SAMD13: variants seen among roughly 807,000 people sequenced by gnomAD.
The protein encoded by SAMD13 is sterile alpha motif domain containing 13, also known as sterile alpha motif domain-containing protein 13.
Under a neutral mutation model 12.4 loss-of-function variants are expected in SAMD13, and 9 were observed. The ratio of observed to expected loss-of-function variants is 0.72; its 90% CI spans 0.44 to 1.26. The LOEUF (loss-of-function observed/expected upper bound fraction) is 1.26. Ranked by LOEUF, SAMD13 falls within the 50% of genes most tolerant of loss-of-function variation. The pLI is 0.00. For missense variants in SAMD13, 84 were observed against 119.6 expected (o/e 0.70, Z 1.39); for synonymous variants, 46 against 45.4 (o/e 1.01, Z -0.05).
intron 2 of SAMD13, among the ~76,000 whole-genome samples, chr1:84,306,653 A>C (rs1011720049): frequency 1.4e-5 from 2 of 143,286 alleles, no homozygotes; most frequent in African/African-American, 5.3e-5. Context: ...CCAAAAAAAA[A>C]AAAAAAAAAA....
At chr1:84,331,475 T>C in intron 3 of SAMD13, among the ~76,000 whole-genome samples, 1 of 152,118 alleles carries the variant, frequency 6.6e-6, no homozygotes, top group East Asian at 1.9e-4. Flanking sequence ...ATTTACTTCA[T>C]CAGCATCTAA....
chr1:84,339,691 G>T (rs1446370951), intron 3 of SAMD13, among the ~76,000 whole-genome samples: 1 of 152,180 alleles, frequency 6.6e-6, no homozygotes, highest in African/African-American at 2.4e-5. Flanking sequence ...GCATGTCAGG[G>T]TGCACACACA....
intron 2 of SAMD13, among the ~76,000 whole-genome samples, chr1:84,309,636 T>C (rs1017889246): frequency 3.3e-5 from 5 of 152,128 alleles, no homozygotes; most frequent in African/African-American, 1.2e-4. Context: ...TTGAACACAT[T>C]CTGAAATGGA....
At chr1:84,344,664 C>A in intron 3 of SAMD13, 1 of 301,746 alleles carries the variant, frequency 3.3e-6, no homozygotes, top group Non-Finnish European at 6.6e-6. Flanking sequence ...TGGGGAAAGG[C>A]TGTTTAAAGA....
Position 84,343,559 on chromosome 1 carries a change from A to T in SAMD13, c.166-6072A>T, listed in dbSNP as rs567115434. Among the ~76,000 whole-genome samples the T allele has an allele frequency of 2.6e-5, 4 of 152,358 alleles. No individual in the cohort carries two copies. The South Asian group carries it at 8.3e-4, about 32-fold the overall frequency. On this transcript the variant is annotated intron_variant, in intron 3 of 3. Transcript: ENST00000394834. ...ATGAGACCATGTCATTTGCAGGGAC[A>T]TGGATGGAGCTGGAAGCCATTATCC...
intron 3 of SAMD13, among the ~76,000 whole-genome samples, chr1:84,335,480 G>C (rs567594055): frequency 6.6e-6 from 1 of 152,098 alleles, no homozygotes; most frequent in African/African-American, 2.4e-5. Context: ...ATACAGTTGG[G>C]TCTTGCTTCT....
chr1:84,328,084 C>T (rs1381062892), intron 3 of SAMD13, among the ~76,000 whole-genome samples: 2 of 152,098 alleles, frequency 1.3e-5, no homozygotes, highest in Non-Finnish European at 2.9e-5. Context: ...GACCAAAAGC[C>T]CTTTGCAGGT....
chr1:84,325,796 G>A (rs1422585886), intron 3 of SAMD13, 48 bp downstream of exon 3: 2 of 1,138,490 alleles, frequency 1.8e-6, no homozygotes, highest in African/African-American at 1.5e-5. Flanking sequence ...TGAACCCACA[G>A]TTACCTCCCT....
At chr1:84,323,655 T>C (rs1678995923) in intron 2 of SAMD13, among the ~76,000 whole-genome samples, 1 of 152,194 alleles carries the variant, frequency 6.6e-6, no homozygotes. Context: ...GGGCAAAACA[T>C]TATGCTGGGG....
intron 2 of SAMD13, among the ~76,000 whole-genome samples, chr1:84,320,739 ATAAG>A (rs1678925573): frequency 6.6e-6 from 1 of 152,256 alleles, no homozygotes; most frequent in African/African-American, 2.4e-5. Context: ...CAGTGTAAAA[ATAAG>A]TAACAGAATT....
intron 2 of SAMD13, among the ~76,000 whole-genome samples, chr1:84,311,524 C>T (rs979662608): frequency 7.9e-5 from 12 of 152,172 alleles, no homozygotes; most frequent in African/African-American, 2.9e-4. Flanking sequence ...TTTCTTTTAA[C>T]AGTTCCATTA....
intron 2 of SAMD13, among the ~76,000 whole-genome samples, chr1:84,307,922 C>G (rs183659689): frequency 1.3e-5 from 2 of 152,252 alleles, no homozygotes; most frequent in Non-Finnish European, 2.9e-5. Flanking sequence ...AAGGTTTGTT[C>G]CCCTGCCTCA....
chr1:84,313,345 C>A (rs569139435), intron 2 of SAMD13, among the ~76,000 whole-genome samples: 1 of 151,934 alleles, frequency 6.6e-6, no homozygotes. Context: ...AACTTTGGTA[C>A]GTGACACACT....
upstream of SAMD13, chr1:84,299,546 T>C: frequency 1.4e-6 from 2 of 1,404,802 alleles, no homozygotes; most frequent in East Asian, 2.6e-5. Flanking sequence ...GTACACCACA[T>C]AGTGCACACA....
chr1:84,325,590 C>T, intron 2 of SAMD13, 47 bp from the exon 3 acceptor site: 1 of 1,182,694 alleles, frequency 8.5e-7, no homozygotes, highest in Non-Finnish European at 1.3e-6. Context: ...TGGCCACACC[C>T]TTGTGCAGGC....
intron 3 of SAMD13, among the ~76,000 whole-genome samples, chr1:84,330,391 G>C (rs2101808787): frequency 6.6e-6 from 1 of 152,280 alleles, no homozygotes; most frequent in Middle Eastern, 3.4e-3. Flanking sequence ...TTGTCCATGG[G>C]TATGGCCTGC....
intron 3 of SAMD13, among the ~76,000 whole-genome samples, chr1:84,329,696 A>C (rs1054711792): frequency 1.3e-5 from 2 of 152,192 alleles, no homozygotes; most frequent in African/African-American, 4.8e-5. Context: ...ATCTTCATCA[A>C]ATTCTCTTCT....
intron 3 of SAMD13, among the ~76,000 whole-genome samples, chr1:84,342,044 G>T (rs761770020): frequency 3.3e-5 from 5 of 152,160 alleles, no homozygotes; most frequent in Non-Finnish European, 5.9e-5. Flanking sequence ...GATAATCTGG[G>T]CATTGACATA....
intron 2 of SAMD13, among the ~76,000 whole-genome samples, chr1:84,324,847 A>T (rs1030995017): frequency 7.2e-5 from 11 of 152,192 alleles, no homozygotes; most frequent in Admixed American, 2.0e-4. Flanking sequence ...CATTACCCAT[A>T]GACCCACTCA....
Sources: allele counts gnomAD v4.1 joint callset (sites outside exome capture counted in the v4.1 genomes callset), GRCh38; gene constraint gnomAD v4.1.1; transcripts MANE v1.5; gene names NCBI Gene and HGNC (gene_info 2026-07-23, HGNC 2026-07-21).